Variants in SMYD3 observed in about 807,000 individuals in gnomAD.
SMYD3 encodes SET and MYND domain containing 3.
A neutral mutation model predicts 57.7 loss-of-function variants in SMYD3; 36 were observed. The observed-to-expected ratio is 0.62, with a 90% CI of 0.48 to 0.82. The LOEUF (loss-of-function observed/expected upper bound fraction) is 0.82, where lower values mean the gene tolerates loss of function less well. SMYD3 is among the 40% of genes least tolerant of loss of function. SMYD3 has a pLI of 0.00. For missense variants in SMYD3, 515 were observed against 538.8 expected (o/e 0.96, Z 0.44); for synonymous variants, 211 against 195.0 (o/e 1.08, Z -0.68).
chr1:245,847,282 A>G (rs1384231023), intron 10 of SMYD3, among the ~76,000 whole-genome samples: 7 of 152,200 alleles, frequency 4.6e-5, no homozygotes, highest in Admixed American at 3.9e-4. Context: ...AAATGCCATT[A>G]TCCTTCTCTA....
chr1:245,962,318 A>G (rs985243212), intron 5 of SMYD3, among the ~76,000 whole-genome samples: 2 of 152,186 alleles, frequency 1.3e-5, no homozygotes, highest in East Asian at 3.8e-4. Flanking sequence ...ATCTTATTTT[A>G]CAACCTATCT....
At chr1:245,815,229 A>C (rs528357703) in intron 10 of SMYD3, among the ~76,000 whole-genome samples, 1 of 152,338 alleles carries the variant, frequency 6.6e-6, no homozygotes, top group African/African-American at 2.4e-5. Context: ...AAAAAACACA[A>C]ACACACACAG....
intron 1 of SMYD3, among the ~76,000 whole-genome samples, chr1:246,376,611 C>G (rs1346919890): frequency 9.3e-6 from 1 of 107,416 alleles, no homozygotes; most frequent in African/African-American, 3.5e-5. Context: ...AAAAAAAAAA[C>G]TAAACATAAA....
intron 11 of SMYD3, among the ~76,000 whole-genome samples, chr1:245,751,420 T>C (rs1411360446): frequency 6.6e-6 from 1 of 152,114 alleles, no homozygotes; most frequent in Non-Finnish European, 1.5e-5. Flanking sequence ...GGGGGATGGG[T>C]AATTTCAACC....
intron 5 of SMYD3, among the ~76,000 whole-genome samples, chr1:246,218,551 A>G (rs10924567): frequency 0.27 from 40,226 of 151,010 alleles, 6,046 homozygotes; most frequent in East Asian, 0.58. Flanking sequence ...AACCCAGGAG[A>G]CGGAGCTTGC....
chr1:245,974,249 C>G (rs1006843473), intron 5 of SMYD3, among the ~76,000 whole-genome samples: 41 of 152,144 alleles, frequency 2.7e-4, no homozygotes, highest in Admixed American at 2.5e-3. Flanking sequence ...CTAAGTTCTG[C>G]CCCCAAACCT....
intron 5 of SMYD3, chr1:245,953,349 TG>T: frequency 1.0e-6 from 1 of 987,542 alleles, no homozygotes; most frequent in Non-Finnish European, 1.2e-6. Flanking sequence ...TTTTTTAGGA[TG>T]TAACTCTGAA....
At chr1:246,357,316 G>A (rs764831524) in intron 1 of SMYD3, among the ~76,000 whole-genome samples, 9 of 152,156 alleles carry the variant, frequency 5.9e-5, no homozygotes, top group Non-Finnish European at 1.3e-4. Context: ...AGTGATAAGA[G>A]TGACCAGAGG....
At chr1:245,909,116 A>C (rs1020731741) in intron 8 of SMYD3, among the ~76,000 whole-genome samples, 6 of 152,216 alleles carry the variant, frequency 3.9e-5, no homozygotes, top group African/African-American at 1.4e-4. Flanking sequence ...GTGAGGAAAA[A>C]GGGGACATTA....
At chr1:246,061,344 T>C (rs1047395080) in intron 5 of SMYD3, among the ~76,000 whole-genome samples, 1 of 152,018 alleles carries the variant, frequency 6.6e-6, no homozygotes, top group Non-Finnish European at 1.5e-5. Context: ...ACATATCACC[T>C]GGAAAAAATG....
At chr1:245,927,395 A>G (rs528385454) in intron 7 of SMYD3, among the ~76,000 whole-genome samples, 5 of 152,336 alleles carry the variant, frequency 3.3e-5, no homozygotes, top group Admixed American at 3.3e-4. Flanking sequence ...TGCTGAAATG[A>G]TCACCCAGAG....
chr1:246,331,923 A>G (rs1216744049), intron 3 of SMYD3, among the ~76,000 whole-genome samples: 1 of 152,190 alleles, frequency 6.6e-6, no homozygotes, highest in Non-Finnish European at 1.5e-5. Flanking sequence ...ATATAAGACC[A>G]CAAACTTAAT....
At chr1:246,371,148 A>G (rs1362119666) in intron 1 of SMYD3, among the ~76,000 whole-genome samples, 1 of 152,228 alleles carries the variant, frequency 6.6e-6, no homozygotes, top group Non-Finnish European at 1.5e-5. Flanking sequence ...CAGGGTCCTT[A>G]TGTTTTATAA....
intron 5 of SMYD3, among the ~76,000 whole-genome samples, chr1:246,004,229 G>A (rs1297392656): frequency 6.6e-6 from 1 of 152,186 alleles, no homozygotes. Flanking sequence ...CTCATTTTTA[G>A]TCAAGCTACA....
chr1:245,807,114 G>A (rs572124842), intron 10 of SMYD3, among the ~76,000 whole-genome samples: 1 of 152,062 alleles, frequency 6.6e-6, no homozygotes, highest in South Asian at 2.1e-4. Context: ...CAGGCTGCAT[G>A]GTGCAACTGG....
intron 5 of SMYD3, chr1:245,956,223 G>A (rs1411088451): frequency 5.0e-6 from 1 of 201,470 alleles, no homozygotes; most frequent in Non-Finnish European, 8.8e-6. Context: ...CAGCCTCTTG[G>A]TATTTTCTAT....
intron 5 of SMYD3, among the ~76,000 whole-genome samples, chr1:246,283,522 T>C (rs1220593740): frequency 1.3e-5 from 2 of 152,206 alleles, no homozygotes; most frequent in South Asian, 2.1e-4. Context: ...ATCAGAGCCA[T>C]GGAAAAGCTT....
chr1:245,924,019 C>A (rs1387529836), intron 7 of SMYD3, among the ~76,000 whole-genome samples: 1 of 152,202 alleles, frequency 6.6e-6, no homozygotes, highest in African/African-American at 2.4e-5. Context: ...GATACTAATG[C>A]ATTCAACTTG....
intron 1 of SMYD3, chr1:246,483,770 T>A (rs1221751614): frequency 6.6e-6 from 1 of 152,206 alleles, no homozygotes; most frequent in Non-Finnish European, 1.5e-5. Context: ...TCCTCTCTCA[T>A]CCTCTCTGCT....
Sources: gnomAD v4.1 joint callset for allele counts (sites outside exome capture counted in the v4.1 genomes callset) on GRCh38, gnomAD v4.1.1 for gene constraint, MANE v1.5 for transcripts, NCBI Gene and HGNC (gene_info 2026-07-23, HGNC 2026-07-21) for gene names.